Variants in POM121C observed in about 807,000 individuals in gnomAD.
POM121C encodes nuclear envelope pore membrane protein POM 121C.
POM121C carries 20 observed loss-of-function variants against 66.4 expected under a neutral mutation model. The ratio of observed to expected loss-of-function variants is 0.30; its 90% CI spans 0.21 to 0.44. The LOEUF (loss-of-function observed/expected upper bound fraction) is 0.44, where lower values mean the gene tolerates loss of function less well. Among genes scored for constraint, POM121C ranks in the 20% least tolerant of loss-of-function variants. POM121C has a pLI of 1.00. For missense variants in POM121C, 580 were observed against 1,225.7 expected, an observed-to-expected ratio of 0.47 and a Z score of 7.87; for synonymous variants, 286 against 528.0, an observed-to-expected ratio of 0.54 and a Z score of 6.28.
chr7:75,448,135 C>G (rs1554475072), intron 3 of POM121C, among the ~76,000 whole-genome samples: 2 of 151,944 alleles, frequency 1.3e-5, no homozygotes. Context: ...GGGAGGTTCA[C>G]TTGAGCCTGG....
At chr7:75,478,405 T>C (rs1359894188) in intron 1 of POM121C, among the ~76,000 whole-genome samples, 2 of 151,666 alleles carry the variant, frequency 1.3e-5, no homozygotes, top group South Asian at 2.1e-4. Flanking sequence ...CCGAGGCAGA[T>C]GTGAGGAGAA....
At chr7:75,424,830 A>T (rs1276568527) in intron 10 of POM121C, 23 of 1,176,712 alleles carry the variant, frequency 2.0e-5, no homozygotes, top group Non-Finnish European at 1.1e-5. Context: ...CGTGGTAGCA[A>T]GCGCCTGTAA....
chr7:75,461,078 T>C (rs1406046961), intron 3 of POM121C, among the ~76,000 whole-genome samples: 2 of 152,042 alleles, frequency 1.3e-5, no homozygotes, highest in African/African-American at 4.8e-5. Flanking sequence ...AAAAATAGTT[T>C]GGAAAAGTAA....
intron 7 of POM121C, among the ~76,000 whole-genome samples, chr7:75,437,019 G>A (rs1304717083): frequency 5.9e-5 from 9 of 152,174 alleles, no homozygotes; most frequent in Non-Finnish European, 8.8e-5. Flanking sequence ...ATGACCACTT[G>A]TTTAAAAACC....
Position 75,440,934 on chromosome 7 carries a change from T to A in POM121C, c.227+20A>T, listed in dbSNP as rs1554473844. 1 of 1,614,010 alleles carries A rather than the reference T, an allele frequency of 6.2e-7. No homozygotes were observed. The highest frequency in any genetic ancestry group is 1.3e-5 in the African/African-American group (1 of 75,058). ...GGGTCCAAGCGGGAAACTGGCTTAG[T>A]ACTCTCCTGAGCCTGTTACCTTCTT... On this transcript the variant is annotated intron_variant, in intron 5 of 14. Coordinates refer to ENST00000615331, the MANE Select transcript of POM121C (RefSeq NM_001099415.3).
intron 3 of POM121C, among the ~76,000 whole-genome samples, chr7:75,466,305 T>C (rs1235926785): frequency 7.2e-5 from 10 of 138,990 alleles, no homozygotes; most frequent in African/African-American, 1.8e-4. Context: ...AAGAAGGAAA[T>C]AGAATTAATA....
intron 3 of POM121C, among the ~76,000 whole-genome samples, chr7:75,466,700 C>T (rs1791663731): frequency 6.6e-6 from 1 of 150,672 alleles, no homozygotes; most frequent in Non-Finnish European, 1.5e-5. Context: ...AATGTTGGCT[C>T]TTCGAAAAGA....
intron 1 of POM121C, among the ~76,000 whole-genome samples, chr7:75,478,380 A>T (rs587601663): frequency 6.6e-6 from 1 of 152,042 alleles, no homozygotes; most frequent in Non-Finnish European, 1.5e-5. Context: ...CAGGCCATGG[A>T]GCAGGGAAGA....
rs1264814744 is a variant in POM121C at position 75,469,480 on chromosome 7, C to G, written c.-152+5224G>C. Among the ~76,000 whole-genome samples, 2 of 152,106 alleles carry G rather than the reference C, an allele frequency of 1.3e-5. 1 individual carries two copies. Among genetic ancestry groups the G allele is most frequent in the Non-Finnish European group, 2.9e-5 (2 of 68,012 alleles). ...TCATCCATACCTCTGGCTTGTTTTG[C>G]CTGGAGTGCTGCCTTATAACCAGGA... On this transcript the variant is annotated intron_variant, in intron 3 of 14. Coordinates refer to ENST00000615331, the MANE Select transcript of POM121C (RefSeq NM_001099415.3).
intron 5 of POM121C, chr7:75,440,727 T>C: frequency 1.6e-6 from 1 of 606,306 alleles, no homozygotes; most frequent in Non-Finnish European, 2.9e-6. Flanking sequence ...TGTCAGCTTA[T>C]CTCTGCTACT....
chr7:75,463,430 T>C (rs2599304), intron 3 of POM121C, among the ~76,000 whole-genome samples: 18 of 148,994 alleles, frequency 1.2e-4, no homozygotes, highest in East Asian at 2.0e-4. Flanking sequence ...TCCACAAAGA[T>C]GGAAAGAGCT....
Position 75,418,465 on chromosome 7 carries a change from G to A in POM121C, c.*331C>T. ...CAGCGACGACGGCTCTCGGGGAAAGGTGGAAGGGGCGCCTGCCTAAGGGTG... is the reference window on the plus strand; with the variant it reads ...CAGCGACGACGGCTCTCGGGGAAAGATGGAAGGGGCGCCTGCCTAAGGGTG... On this transcript the variant is annotated 3_prime_UTR_variant, in exon 15 of 15. Transcript: ENST00000615331. 2.8e-6 allele frequency: 3 copies of A among 1,069,018 alleles called. No individual in the cohort carries two copies. The highest frequency in any genetic ancestry group is 3.4e-6 in the Non-Finnish European group (3 of 884,312). The allele number at this position is 1,069,018 out of a possible 1,614,324, so 66.2% of individuals were successfully genotyped here.
At chr7:75,462,911 T>C (rs1791494511) in intron 3 of POM121C, among the ~76,000 whole-genome samples, 1 of 152,012 alleles carries the variant, frequency 6.6e-6, no homozygotes, top group African/African-American at 2.4e-5. Flanking sequence ...TCAGTAGCCA[T>C]GCACATGCTG....
rs190764873 is a variant in POM121C, at chr7:75,461,030, T to G, written c.-152+13674A>C. Among the ~76,000 whole-genome samples the G allele has an allele frequency of 7.5e-3, 1,144 of 152,196 alleles. 16 individuals carry two copies. Among genetic ancestry groups the G allele is most frequent in the African/African-American group, 0.026 (1,072 of 41,490 alleles). On this transcript the variant is annotated intron_variant, in intron 3 of 14. Coordinates refer to ENST00000615331, the MANE Select transcript of POM121C (RefSeq NM_001099415.3). ...TGACTGCAGAGATAATGAAACAAATTTCAGTGACCACACAAGCACAAGGAA... is the reference window on the plus strand; with the variant it reads ...TGACTGCAGAGATAATGAAACAAATGTCAGTGACCACACAAGCACAAGGAA...
chr7:75,458,623 A>G (rs1327147526), intron 3 of POM121C, among the ~76,000 whole-genome samples: 1 of 152,268 alleles, frequency 6.6e-6, no homozygotes, highest in African/African-American at 2.4e-5. Flanking sequence ...AACTAAATTG[A>G]TCTTAGAACC....
intron 4 of POM121C, 121 bp downstream of exon 4, chr7:75,441,311 C>T (rs1790638144): frequency 7.3e-7 from 1 of 1,378,376 alleles, no homozygotes; most frequent in Non-Finnish European, 9.8e-7. Flanking sequence ...TGGTATTTCT[C>T]ATTCAAACAA....
intron 3 of POM121C, among the ~76,000 whole-genome samples, chr7:75,467,754 A>C (rs587742139): frequency 2.0e-5 from 3 of 152,234 alleles, no homozygotes; most frequent in South Asian, 2.1e-4. Context: ...AGTCATTTGC[A>C]TCACAAAGTC....
intron 12 of POM121C, among the ~76,000 whole-genome samples, chr7:75,423,685 G>A (rs1175615314): frequency 2.6e-5 from 4 of 152,166 alleles, no homozygotes; most frequent in African/African-American, 7.2e-5. Flanking sequence ...AGTGCTGGAG[G>A]GAAAGGAAGC....
At chr7:75,460,682 G>A (rs1584697013) in intron 3 of POM121C, among the ~76,000 whole-genome samples, 1 of 152,100 alleles carries the variant, frequency 6.6e-6, no homozygotes, top group South Asian at 2.1e-4. Context: ...TGAAGAGAGA[G>A]GCTGCTGATC....
Sources: gnomAD v4.1 joint callset for allele counts (sites outside exome capture counted in the v4.1 genomes callset) on GRCh38, gnomAD v4.1.1 for gene constraint, MANE v1.5 for transcripts, NCBI Gene and HGNC (gene_info 2026-07-23, HGNC 2026-07-21) for gene names.